CES2: variants seen among roughly 807,000 people sequenced by gnomAD.
CES2 encodes cocaine esterase.
Under a neutral mutation model 52.1 loss-of-function variants are expected in CES2, and 42 were observed. The observed-to-expected ratio is 0.81, with a 90% confidence interval of 0.63 to 1.04. CES2 has a LOEUF of 1.04. Among genes scored for constraint, CES2 ranks in the 50% least tolerant of loss-of-function variants. The pLI, the probability that CES2 is intolerant of heterozygous loss-of-function variation, is 0.00. For synonymous variants in CES2, 277 were observed against 289.6 expected (o/e 0.96, Z 0.44); for missense variants, 656 against 724.3 (o/e 0.91, Z 1.08).
chr16:66,941,875 T>G (rs367835023), intron 8 of CES2, 27 bp downstream of exon 8: 3 of 1,613,690 alleles, frequency 1.9e-6, no homozygotes, highest in Admixed American at 1.7e-5. Flanking sequence ...CCCTCGCCAA[T>G]GGAGACGGGC....
chr16:66,944,060 G>A lies in CES2; in HGVS notation c.*35G>A, dbSNP rs746262533. On this transcript the variant is annotated 3_prime_UTR_variant, in exon 12 of 12. Transcript: ENST00000317091. ...CCGGGGAGGAGGGGGTGGGTTCGCT[G>A]ACAGGCGAGGGTCAGCCTGCTGTGC... The A allele has an allele frequency of 1.6e-6, 2 of 1,246,788 alleles. No individual in the cohort carries two copies. Among genetic ancestry groups the A allele is most frequent in the South Asian group, 3.2e-5 (2 of 62,488 alleles). The allele number at this position is 1,246,788 out of a possible 1,614,324, so 77.2% of individuals were successfully genotyped here.
intron 3 of CES2, among the ~76,000 whole-genome samples, chr16:66,939,683 G>A (rs955787566): frequency 7.9e-5 from 12 of 152,248 alleles, no homozygotes; most frequent in Non-Finnish European, 7.3e-5. Flanking sequence ...TGGATAATCT[G>A]TTGGGCCTAT....
At position 66,943,407 on chromosome 16, in the gene CES2, T is replaced by G; in HGVS notation, c.1493+36T>G. On this transcript the variant is annotated intron_variant, in intron 11 of 11. Transcript: ENST00000317091. The surrounding 1 kb of genome is among the most constrained non-coding windows in gnomAD (Gnocchi z 4.2). Reference sequence around the variant, plus strand: ...ACACCCCTGCCTCAACCTCCCCGATTGGGGGACTTGTGCCCATCCAGTGCT... The same window carrying G: ...ACACCCCTGCCTCAACCTCCCCGATGGGGGGACTTGTGCCCATCCAGTGCT... The G allele has an allele frequency of 6.2e-7, 1 of 1,611,012 alleles. No individual in the cohort carries two copies. The highest frequency in any genetic ancestry group is 2.2e-5 in the East Asian group (1 of 44,846).
In CES2 at chr16:66,943,337, A is replaced by T; in HGVS notation, c.1459A>T (p.Met487Leu). 3 of 1,614,136 alleles carry T rather than the reference A, an allele frequency of 1.9e-6. No homozygotes were observed. Among genetic ancestry groups the T allele is most frequent in the Non-Finnish European group, 2.5e-6 (3 of 1,180,000 alleles). The part of the protein sequence containing the change: ...TEEEEQLSRK[M>L]MKYWANFARN... ...GGAAGAGGAGCAGCTAAGCAGGAAG[A>T]TGATGAAGTACTGGGCCAACTTTGC... The change falls in exon 11 of 12, where the codon ATG becomes TTG. Residue 487 changes from methionine (M) to leucine (L), a missense_variant. Coordinates refer to ENST00000317091, the MANE Select transcript of CES2 (RefSeq NM_001365405.1). This position sits in a 1 kb window ranked among gnomAD's most constrained non-coding sequence, Gnocchi z 4.2.
rs1463226286 is a variant in CES2 at position 66,942,798 on chromosome 16, C to G, written c.1420+13C>G. ...GGGGGCAACTACAGTGAGTCTTCTT[C>G]CTTTCCCGGGAGGTGGGCTGGGATT... On this transcript the variant is annotated intron_variant, in intron 10 of 11. Coordinates refer to ENST00000317091, the MANE Select transcript of CES2 (RefSeq NM_001365405.1). The G allele has an allele frequency of 2.5e-6, 4 of 1,614,014 alleles. No homozygotes were observed. The highest frequency in any genetic ancestry group is 3.4e-6 in the Non-Finnish European group (4 of 1,180,000).
In CES2 at chr16:66,941,853, G is replaced by A. The variant is rs1265708930; in HGVS notation, c.1137+5G>A. Reference sequence around the variant, plus strand: ...CAGAAAATGTTAACGCTGCTGGTAAGGCTCCTGGGGTCCCTCGCCAATGGA... The same window carrying A: ...CAGAAAATGTTAACGCTGCTGGTAAAGCTCCTGGGGTCCCTCGCCAATGGA... On this transcript the variant is annotated splice_donor_5th_base_variant and intron_variant, in intron 8 of 11. Transcript: ENST00000317091. The A allele has an allele frequency of 3.1e-6, 5 of 1,613,990 alleles. No individual in the cohort carries two copies. Among genetic ancestry groups the A allele is most frequent in the Non-Finnish European group, 4.2e-6 (5 of 1,180,016 alleles).
In CES2 at chr16:66,938,247, C is replaced by A. The variant is rs756550589; in HGVS notation, c.281+6C>A. 1.4e-5 allele frequency: 22 copies of A among 1,608,514 alleles called. No individual in the cohort carries two copies. Among genetic ancestry groups the A allele is most frequent in the Non-Finnish European group, 1.7e-5 (20 of 1,175,052 alleles). ...GGAACCACCCATCCGGCCATGTAAGCTCTCCAAGGGGTCCAGGGAACTCCA... is the reference window on the plus strand; with the variant it reads ...GGAACCACCCATCCGGCCATGTAAGATCTCCAAGGGGTCCAGGGAACTCCA... On this transcript the variant is annotated splice_donor_region_variant and intron_variant, in intron 2 of 11. Coordinates refer to ENST00000317091, the MANE Select transcript of CES2 (RefSeq NM_001365405.1).
At chr16:66,941,979 G>C (rs1963377279) in intron 8 of CES2, 126 bp from the exon 9 acceptor site, 1 of 1,517,616 alleles carries the variant, frequency 6.6e-7, no homozygotes. Context: ...TGTGTGTTTA[G>C]GGGTGGGGTC....
At chr16:66,935,357 A>G (rs577227913), upstream of CES2, 9 of 1,387,712 alleles carry the variant, frequency 6.5e-6, no homozygotes, top group African/African-American at 1.2e-4. Flanking sequence ...CAGGAATGGC[A>G]CAGCCCCTTC....
At chr16:66,938,572 G>T (rs1963273366) in intron 2 of CES2, among the ~76,000 whole-genome samples, 1 of 152,158 alleles carries the variant, frequency 6.6e-6, no homozygotes, top group Admixed American at 6.5e-5. Context: ...GAAAGGTTCG[G>T]GTTGGCTCTA....
intron 10 of CES2, 89 bp downstream of exon 10, chr16:66,942,874 A>C (rs1443307683): frequency 1.3e-6 from 2 of 1,591,110 alleles, no homozygotes; most frequent in South Asian, 1.1e-5. Context: ...CCAGATAAGG[A>C]AACTGAGGCT....
chr16:66,941,690 G>T, intron 7 of CES2, 44 bp downstream of exon 7: 1 of 1,613,104 alleles, frequency 6.2e-7, no homozygotes, highest in Non-Finnish European at 8.5e-7. Flanking sequence ...GAGCCCATCT[G>T]GTAGTGGGGG....
chr16:66,936,105 G>T, intron 1 of CES2: 1 of 887,116 alleles, frequency 1.1e-6, no homozygotes, highest in South Asian at 2.3e-5. Context: ...GGCAGCATCT[G>T]GCTCTCAGTG....
rs1421759367 is a variant in CES2, at chr16:66,943,732, C to A, written c.1494-107C>A. 1 of 890,680 alleles carries A rather than the reference C, an allele frequency of 1.1e-6. No homozygotes were observed. Among genetic ancestry groups the A allele is most frequent in the South Asian group, 1.9e-5 (1 of 53,886 alleles). The allele number at this position is 890,680 out of a possible 1,614,324, so 55.2% of individuals were successfully genotyped here. ...CTCCCCACTCATTCCCCAAGCCCACCTGGCCTGCTTGGCTGCCTTGCCTGA... is the reference window on the plus strand; with the variant it reads ...CTCCCCACTCATTCCCCAAGCCCACATGGCCTGCTTGGCTGCCTTGCCTGA... On this transcript the variant is annotated intron_variant, in intron 11 of 11. Transcript: ENST00000317091. This position sits in a 1 kb window ranked among gnomAD's most constrained non-coding sequence, Gnocchi z 4.2.
chr16:66,939,278 C>T lies in CES2; in HGVS notation c.343C>T (p.Pro115Ser). The T allele has an allele frequency of 1.2e-6, 2 of 1,613,986 alleles. No homozygotes were observed. The highest frequency in any genetic ancestry group is 8.5e-7 in the Non-Finnish European group (1 of 1,179,854). ...EFLSQFNMTF[P>S]SDSMSEDCLY... Reference sequence around the variant, plus strand: ...TCTTAGCCAGTTCAACATGACCTTCCCTTCCGACTCCATGTCTGAGGACTG... The same window carrying T: ...TCTTAGCCAGTTCAACATGACCTTCTCTTCCGACTCCATGTCTGAGGACTG... The change falls in exon 3 of 12, where the codon CCT (proline) becomes TCT (serine). Residue 115 changes from proline (P) to serine (S), a missense_variant. By Grantham distance (74) the Pro-to-Ser change is moderately conservative. Transcript: ENST00000317091.
At chr16:66,937,649 T>TA (rs765343133) in intron 1 of CES2, among the ~76,000 whole-genome samples, 2 of 152,246 alleles carry the variant, frequency 1.3e-5, no homozygotes, top group Non-Finnish European at 1.5e-5. Context: ...ATGCTTTCTT[T>TA]ACATGATTTC....
chr16:66,938,278 TGGG>T (rs1480814914), intron 2 of CES2, 37 bp downstream of exon 2: 1 of 1,495,588 alleles, frequency 6.7e-7, no homozygotes, highest in African/African-American at 1.4e-5. Flanking sequence ...CTCCAGGCCC[TGGG>T]GCAGGGGTGG....
At chr16:66,942,418 T>C (rs1172984108) in intron 9 of CES2, 169 bp downstream of exon 9, 8 of 849,786 alleles carry the variant, frequency 9.4e-6, no homozygotes, top group Non-Finnish European at 1.4e-5. Flanking sequence ...ATCCGACATT[T>C]CCCCCATTTC....
chr16:66,943,453 C>A lies in CES2; in HGVS notation c.1493+82C>A. 7.0e-7 allele frequency: 1 copy of A among 1,421,964 alleles called. No individual in the cohort carries two copies. The highest frequency in any genetic ancestry group is 9.9e-7 in the Non-Finnish European group (1 of 1,010,718). The allele number at this position is 1,421,964 out of a possible 1,614,324, so 88.1% of individuals were successfully genotyped here. On this transcript the variant is annotated intron_variant, in intron 11 of 11. Coordinates refer to ENST00000317091, the MANE Select transcript of CES2 (RefSeq NM_001365405.1). This position sits in a 1 kb window ranked among gnomAD's most constrained non-coding sequence, Gnocchi z 4.2. ...GTGCTCTCCTAGTCTGGGGTGACCT[C>A]ATGAGCACACCCGCATCCTTCATCA... is the stretch of plus-strand genomic sequence containing the variant.
Sources: allele counts gnomAD v4.1 joint callset (sites outside exome capture counted in the v4.1 genomes callset), GRCh38; gene constraint gnomAD v4.1.1; non-coding constraint Gnocchi (gnomAD v3.1); transcripts MANE v1.5; gene names NCBI Gene and HGNC (gene_info 2026-07-23, HGNC 2026-07-21).